Variants in ARFGAP1 observed in about 807,000 individuals in gnomAD.
ARFGAP1 encodes the protein ARF GTPase activating protein 1.
Under a neutral mutation model 54.0 loss-of-function variants are expected in ARFGAP1, and 26 were observed. The ratio of observed to expected loss-of-function variants is 0.48; its 90% CI spans 0.35 to 0.67. The LOEUF is 0.67. Ranked by LOEUF, ARFGAP1 falls within the 30% of genes least tolerant of loss-of-function variation. The pLI is 0.00. For synonymous variants in ARFGAP1, 248 were observed against 211.9 expected, an observed-to-expected ratio of 1.17 and a Z score of -1.48; for missense variants, 525 against 535.8, an observed-to-expected ratio of 0.98 and a Z score of 0.20.
chr20:63,287,528 C>T, intron 12 of ARFGAP1, 36 bp from the exon 13 acceptor site: 1 of 1,535,300 alleles, frequency 6.5e-7, no homozygotes, highest in Non-Finnish European at 8.8e-7. Flanking sequence ...GACTGAGTAA[C>T]AGTCATTTAG....
In ARFGAP1 at chr20:63,277,313, C is replaced by T; in HGVS notation, c.443+8C>T. 1 of 1,610,278 alleles carries T rather than the reference C, an allele frequency of 6.2e-7. No individual in the cohort carries two copies. Among genetic ancestry groups the T allele is most frequent in the Non-Finnish European group, 8.5e-7 (1 of 1,178,930 alleles). On this transcript the variant is annotated splice_region_variant and intron_variant, in intron 5 of 12. Coordinates refer to ENST00000370283, the MANE Select transcript of ARFGAP1 (RefSeq NM_018209.4). ...GCCGTCCATGGTGCACCGGTAGCTG[C>T]TCCTCGTGGGGCCTTAGTACAGTTT...
In ARFGAP1 at chr20:63,282,839, A is replaced by C. The variant is rs1230789286; in HGVS notation, c.705A>C (p.Gln235His). ...AKEGATKFGS[Q>H]ASQKASELGH... ...TTTAGGCTACAAAGTTTGGATCCCA[A>C]GCGAGTCAGAAGGTAACAGAGGAGA... is the stretch of plus-strand genomic sequence containing the variant. Residue 235 changes from glutamine to histidine, a missense_variant, in exon 9 of 13, where the codon CAA (glutamine) becomes CAC (histidine). Physicochemically the swap from Gln to His is conservative, Grantham distance 24 (BLOSUM62 0). This residue lies in a region of ARFGAP1 where 466 missense variants were observed against 453.6 expected (regional missense o/e 1.03). Transcript: ENST00000370283. 1.9e-6 allele frequency: 3 copies of C among 1,614,086 alleles called. No individual in the cohort carries two copies. The highest frequency in any genetic ancestry group is 2.5e-6 in the Non-Finnish European group (3 of 1,180,014).
At position 63,276,462 on chromosome 20, in the gene ARFGAP1, C is replaced by T. The variant is rs190396188; in HGVS notation, c.171-18C>T. The T allele has an allele frequency of 7.5e-4, 1,196 of 1,601,784 alleles. 4 individuals are homozygous for T. The highest frequency in any genetic ancestry group is 4.7e-3 in the Middle Eastern group (28 of 5,986). On this transcript the variant is annotated intron_variant, in intron 3 of 12. Transcript: ENST00000370283. This position sits in a 1 kb window ranked among gnomAD's most constrained non-coding sequence, Gnocchi z 5.2. ...TGTCCCCGGTGCTGGTTGATCTGCT[C>T]GATCCTCTGCTTTCCAGCTTTGTGC... is the stretch of plus-strand genomic sequence containing the variant.
chr20:63,284,253 A>G (rs932653841), intron 9 of ARFGAP1: 74 of 1,162,544 alleles, frequency 6.4e-5, no homozygotes, highest in Admixed American at 3.1e-4. Flanking sequence ...CCTTGAACGC[A>G]GTGCAAAGGG....
rs568416419 is a variant in ARFGAP1 at position 63,281,239 on chromosome 20, C to G, written c.628-52C>G. 6.3e-5 allele frequency: 98 copies of G among 1,550,694 alleles called. 1 individual carries two copies. The highest frequency in any genetic ancestry group is 3.4e-4 in the Middle Eastern group (2 of 5,956). ...CTTGCTGAGATACTCTGCTCAGCGC[C>G]GGGTTCCTGGGTCCCAGTCCTGATG... On this transcript the variant is annotated intron_variant, in intron 7 of 12. Transcript: ENST00000370283.
At chr20:63,278,039 T>G in intron 5 of ARFGAP1, 78 bp from the exon 6 acceptor site, 4 of 1,355,420 alleles carry the variant, frequency 3.0e-6, no homozygotes, top group Non-Finnish European at 4.2e-6. Context: ...GTAGGCCACA[T>G]GGTTCTGGGG....
intron 5 of ARFGAP1, among the ~76,000 whole-genome samples, 185 bp downstream of exon 5, chr20:63,277,490 A>G (rs1241278689): frequency 1.3e-5 from 2 of 152,178 alleles, no homozygotes; most frequent in Admixed American, 6.5e-5. Flanking sequence ...AGACACCCAT[A>G]GAGCTGTCTC....
chr20:63,273,679 A>G (rs2067160254), intron 1 of ARFGAP1, among the ~76,000 whole-genome samples: 1 of 152,130 alleles, frequency 6.6e-6, no homozygotes, highest in Non-Finnish European at 1.5e-5. Flanking sequence ...TGTATGTTTT[A>G]CAGTTAGAAA....
At chr20:63,277,180 C>T in intron 4 of ARFGAP1, 25 bp from the exon 5 acceptor site, 5 of 1,603,070 alleles carry the variant, frequency 3.1e-6, no homozygotes, top group South Asian at 1.1e-5. Context: ...TTTATGCTCT[C>T]GAATGCCCTG....
In ARFGAP1 at chr20:63,284,814, C is replaced by G; in HGVS notation, c.718-52C>G. On this transcript the variant is annotated intron_variant, in intron 9 of 12. Transcript: ENST00000370283. ...CTGGCCTGTGCTGCCACTGCCGACC[C>G]GTGTCCCGTGGTGGAGCTGTCGTGG... The G allele has an allele frequency of 1.2e-6, 2 of 1,606,764 alleles. 1 individual carries two copies. Among genetic ancestry groups the G allele is most frequent in the East Asian group, 4.5e-5 (2 of 44,612 alleles).
chr20:63,288,176 G>A lies in ARFGAP1; in HGVS notation c.*303G>A, dbSNP rs1238243309. The A allele has an allele frequency of 3.4e-6, 2 of 585,864 alleles. No homozygotes were observed. The highest frequency in any genetic ancestry group is 3.2e-6 in the Non-Finnish European group (1 of 315,248). 36.3% of individuals were successfully genotyped at this position (585,864 alleles called of 1,614,324 possible). ...TTGCTGGGAGGTGGGCTGCAGCACA[G>A]AGGCCTGTGACTGCGTTCCAGCGGC... On this transcript the variant is annotated 3_prime_UTR_variant, in exon 13 of 13. Transcript: ENST00000370283.
chr20:63,274,980 G>A (rs2067196506), intron 1 of ARFGAP1, among the ~76,000 whole-genome samples: 1 of 152,212 alleles, frequency 6.6e-6, no homozygotes, highest in African/African-American at 2.4e-5. Context: ...CAGCCACACT[G>A]TCGCCCCCAT....
chr20:63,289,572 A>T lies in ARFGAP1; in HGVS notation c.*1699A>T, dbSNP rs1601385575. On this transcript the variant is annotated 3_prime_UTR_variant, in exon 13 of 13. Transcript: ENST00000370283. ...ACTCTGCCCCAGGGAGTCCCTTTTG[A>T]TGGGAAGTGCAGTCAGCAGCGTGGA... 6.6e-6 allele frequency: 1 copy of T among 152,130 alleles called. No individual in the cohort carries two copies. Among genetic ancestry groups the T allele is most frequent in the South Asian group, 2.1e-4 (1 of 4,822 alleles). 9.4% of individuals were successfully genotyped at this position (152,130 alleles called of 1,614,324 possible).
Position 63,278,376 on chromosome 20 carries a change from G to A in ARFGAP1, c.530+173G>A. ...CCAGCCAGCCCAGTGTGAATTGGGG[G>A]TCTTGGGTGTATTGCAGTGAGCCCC... On this transcript the variant is annotated intron_variant, in intron 6 of 12. Transcript: ENST00000370283. The A allele has an allele frequency of 4.8e-6, 3 of 629,964 alleles. No homozygotes were observed. In the South Asian group the frequency reaches 5.5e-5, roughly 12 times the overall value. 39.0% of individuals were successfully genotyped at this position (629,964 alleles called of 1,614,324 possible).
At chr20:63,278,044 C>G in intron 5 of ARFGAP1, 73 bp from the exon 6 acceptor site, 1 of 1,408,992 alleles carries the variant, frequency 7.1e-7, no homozygotes, top group East Asian at 2.3e-5. Flanking sequence ...CCACATGGTT[C>G]TGGGGGTGCT....
In ARFGAP1 at chr20:63,280,863, T is replaced by C. The variant is rs73329142; in HGVS notation, c.628-428T>C. The stretch of plus-strand genomic sequence containing the variant: ...TTATTTTTTTAAATAGCTTTAATTA[T>C]CTTGAGAGGCTCAGAAGGAAACCCT... On this transcript the variant is annotated intron_variant, in intron 7 of 12. Coordinates refer to ENST00000370283, the MANE Select transcript of ARFGAP1 (RefSeq NM_018209.4). 5.8e-3 allele frequency among the ~76,000 whole-genome samples: 879 copies of C among 152,312 alleles called. 8 individuals are homozygous for C. The highest frequency in any genetic ancestry group is 0.02 in the African/African-American group (846 of 41,556).
chr20:63,279,138 G>A (rs1043260567), intron 7 of ARFGAP1, 143 bp downstream of exon 7: 31 of 833,284 alleles, frequency 3.7e-5, no homozygotes, highest in South Asian at 1.0e-4. Flanking sequence ...TACCTTCAGC[G>A]ACGTTTTCTT....
chr20:63,277,115 C>A, intron 4 of ARFGAP1, 90 bp from the exon 5 acceptor site: 2 of 1,120,202 alleles, frequency 1.8e-6, no homozygotes, highest in Non-Finnish European at 2.6e-6. Flanking sequence ...GTGCTCCAGG[C>A]GGGCCGTGGG....
chr20:63,276,367 C>G lies in ARFGAP1; in HGVS notation c.171-113C>G. ...CACAGAGTTCCAGCTGCTGGCCACT[C>G]AGCCTCCCTGCGGCTGCTGCTTGCT... On this transcript the variant is annotated intron_variant, in intron 3 of 12. Transcript: ENST00000370283. This position sits in a 1 kb window ranked among gnomAD's most constrained non-coding sequence, Gnocchi z 5.2. 1.4e-6 allele frequency: 2 copies of G among 1,444,672 alleles called. No homozygotes were observed. The highest frequency in any genetic ancestry group is 1.9e-6 in the Non-Finnish European group (2 of 1,053,464). The allele number at this position is 1,444,672 out of a possible 1,614,324, so 89.5% of individuals were successfully genotyped here.
Sources: gnomAD v4.1 joint callset for allele counts (sites outside exome capture counted in the v4.1 genomes callset) on GRCh38, gnomAD v4.1.1 for gene constraint, gnomAD v4.1.1 regional missense constraint, Gnocchi (gnomAD v3.1) non-coding constraint, MANE v1.5 for transcripts, NCBI Gene and HGNC (gene_info 2026-07-23, HGNC 2026-07-21) for gene names.